The following VCL variants were observed in gnomAD, a reference collection of about 807,000 sequenced individuals.
VCL encodes the protein epididymis luminal protein 114.
Under a neutral mutation model 125.7 loss-of-function variants are expected in VCL, and 47 were observed. The observed-to-expected ratio is 0.37, with a 90% confidence interval of 0.30 to 0.48. The LOEUF is 0.48. Ranked by LOEUF, VCL falls within the 20% of genes least tolerant of loss-of-function variation. The pLI is 0.99. For missense variants in VCL, 1,069 were observed against 1,455.5 expected (o/e 0.73, Z 4.32); for synonymous variants, 458 against 514.6 (o/e 0.89, Z 1.49).
intron 11 of VCL, 73 bp from the exon 12 acceptor site, chr10:74,095,583 A>C: frequency 6.3e-7 from 1 of 1,595,876 alleles, no homozygotes. Flanking sequence ...AAGACGCCAC[A>C]TCGCACCACA....
rs79187921 is a variant in VCL at position 74,108,226 on chromosome 10, T to A, written c.2560-745T>A. 7.8e-3 allele frequency among the ~76,000 whole-genome samples: 1,191 copies of A among 152,268 alleles called. 15 individuals carry two copies. The highest frequency in any genetic ancestry group is 0.028 in the African/African-American group (1,143 of 41,538). Reference sequence around the variant, plus strand: ...GAGAGGGCTATTCCTGGGAATGGCTTCTTATGTGAGCAACAGAGTTATGTC... The same window carrying A: ...GAGAGGGCTATTCCTGGGAATGGCTACTTATGTGAGCAACAGAGTTATGTC... On this transcript the variant is annotated intron_variant, in intron 17 of 21. Transcript: ENST00000211998.
chr10:74,018,245 A>G (rs1049632934), intron 1 of VCL, among the ~76,000 whole-genome samples: 4 of 129,906 alleles, frequency 3.1e-5, no homozygotes, highest in African/African-American at 1.1e-4. Flanking sequence ...ATTTTATAGA[A>G]TGGGGTTTTA....
intron 10 of VCL, among the ~76,000 whole-genome samples, chr10:74,090,961 T>C (rs1431691289): frequency 6.6e-6 from 1 of 151,840 alleles, no homozygotes; most frequent in African/African-American, 2.4e-5. Flanking sequence ...CCACCATGCC[T>C]GGCTAATTTT....
chr10:74,042,845 T>A (rs1158591982), intron 1 of VCL, among the ~76,000 whole-genome samples: 2 of 152,208 alleles, frequency 1.3e-5, no homozygotes, highest in Non-Finnish European at 2.9e-5. Flanking sequence ...TCAAATTAGT[T>A]ATTCTGAAGA....
rs1237807515 is a variant in VCL at position 74,114,306 on chromosome 10, G to A, written c.3072G>A (p.Lys1024=). ...ALIQCAKDIA[K]ASDEVTRLAK... ...TTCAGTGTGCCAAGGACATCGCCAA[G>A]GCCTCAGATGAGGTGACTCGGTTGG... Residue 1024 remains lysine, a synonymous_variant, in exon 20 of 22, where the codon AAG becomes AAA. Transcript: ENST00000211998. 6.2e-7 allele frequency: 1 copy of A among 1,614,108 alleles called. No individual in the cohort carries two copies. The highest frequency in any genetic ancestry group is 8.5e-7 in the Non-Finnish European group (1 of 1,180,020).
At chr10:74,074,938 C>G in intron 6 of VCL, 35 bp downstream of exon 6, 1 of 1,613,974 alleles carries the variant, frequency 6.2e-7, no homozygotes, top group African/African-American at 1.3e-5. Context: ...AGCAAAATCC[C>G]CAACTCTCCC....
chr10:74,090,786 C>CTT (rs905997933), intron 10 of VCL, among the ~76,000 whole-genome samples: 5 of 146,596 alleles, frequency 3.4e-5, no homozygotes, highest in Admixed American at 2.7e-4. Flanking sequence ...GGTATTTCCT[C>CTT]TTTTTTTTTT....
chr10:74,024,210 A>G (rs997825524), intron 1 of VCL, among the ~76,000 whole-genome samples: 1 of 152,200 alleles, frequency 6.6e-6, no homozygotes, highest in South Asian at 2.1e-4. Context: ...TTAATGGGTC[A>G]GAATGTTTAT....
chr10:74,009,218 C>CG (rs1296374377), intron 1 of VCL, among the ~76,000 whole-genome samples: 2 of 68,846 alleles, frequency 2.9e-5, no homozygotes, highest in Non-Finnish European at 2.6e-5. Flanking sequence ...TGCTGCTTTC[C>CG]CCCCCCCCCC....
At chr10:74,056,935 TTATTATTA>T (rs1336217774) in intron 2 of VCL, among the ~76,000 whole-genome samples, 1 of 152,018 alleles carries the variant, frequency 6.6e-6, no homozygotes, top group African/African-American at 2.4e-5. Context: ...ATTTTCTAAA[TTATTATTA>T]TTTAAAATTT....
Position 74,118,096 on chromosome 10 carries a change from C to G in VCL, c.3332C>G (p.Ala1111Gly), listed in dbSNP as rs867976959. ...SVKETVREAE[A>G]ASIKIRTDAG... is the part of the protein sequence containing the mutation. The stretch of plus-strand genomic sequence containing the variant: ...AAGGAGACTGTGCGGGAAGCTGAAG[C>G]TGCTTCAATCAAAATTCGAACAGAT... Residue 1111 changes from alanine to glycine, a missense_variant, in exon 22 of 22, where the codon GCT (alanine) becomes GGT (glycine). Physicochemically the swap from Ala to Gly is moderately conservative, Grantham distance 60. Around this residue, in one of 6 missense-constraint regions of VCL, gnomAD observed 91 missense variants for 203.9 expected, o/e 0.45. Coordinates refer to ENST00000211998, the MANE Select transcript of VCL (RefSeq NM_014000.3). 12 of 1,614,148 alleles carry G rather than the reference C, an allele frequency of 7.4e-6. No individual in the cohort carries two copies. In the Middle Eastern group the frequency reaches 2.0e-3, roughly 266 times the overall value.
Position 74,074,768 on chromosome 10 carries a change from A to G in VCL, c.648A>G (p.Lys216=), listed in dbSNP as rs1839555736. ...ISAMKIFVTT[K]NSKNQGIEEA... ...CTATGAAGATTTTTGTAACAACTAAAAACTCAAAAAACCAAGGCATAGAGG... is the reference window on the plus strand; with the variant it reads ...CTATGAAGATTTTTGTAACAACTAAGAACTCAAAAAACCAAGGCATAGAGG... The change falls in exon 6 of 22, where the codon AAA becomes AAG. Residue 216 remains lysine (K), a synonymous_variant. Transcript: ENST00000211998. The G allele has an allele frequency of 1.3e-5, 21 of 1,613,386 alleles. No individual in the cohort carries two copies. The highest frequency in any genetic ancestry group is 1.8e-5 in the Non-Finnish European group (21 of 1,179,874).
chr10:74,090,025 C>A lies in VCL; in HGVS notation c.1179C>A (p.Asn393Lys). 6.2e-7 allele frequency: 1 copy of A among 1,614,150 alleles called. No homozygotes were observed. Among genetic ancestry groups the A allele is most frequent in the Non-Finnish European group, 8.5e-7 (1 of 1,180,022 alleles). ...TGCTTCTCCGTTTCTATGTGTAGAA[C>A]TGGCTTGCAGATCCAAATGGTGGAC... is the stretch of plus-strand genomic sequence containing the variant. ...SIAKKIDAAQ[N>K]WLADPNGGPE... Residue 393 changes from asparagine (N) to lysine (K), a missense_variant and splice_region_variant, in exon 10 of 22, where the codon AAC becomes AAA. By Grantham distance (94) the Asn-to-Lys change is moderately conservative (BLOSUM62 0). Around this residue, in one of 6 missense-constraint regions of VCL, gnomAD observed 760 missense variants for 928.9 expected, o/e 0.82. Transcript: ENST00000211998.
At chr10:74,010,074 G>A (rs116590535) in intron 1 of VCL, among the ~76,000 whole-genome samples, 3,299 of 151,928 alleles carry the variant, frequency 0.022, 133 homozygotes, top group African/African-American at 0.076. Context: ...ACAAGCATGC[G>A]CCACACACCC....
intron 1 of VCL, among the ~76,000 whole-genome samples, chr10:74,028,902 A>C (rs186075061): frequency 6.6e-6 from 1 of 152,222 alleles, no homozygotes; most frequent in East Asian, 1.9e-4. Flanking sequence ...GGCTGGGCAC[A>C]GTGGCTCATG....
intron 1 of VCL, among the ~76,000 whole-genome samples, chr10:74,012,637 A>C (rs949727220): frequency 6.6e-6 from 1 of 152,204 alleles, no homozygotes; most frequent in Non-Finnish European, 1.5e-5. Context: ...CCAGCAGCAG[A>C]TCGAGACTGG....
intron 21 of VCL, among the ~76,000 whole-genome samples, chr10:74,117,439 G>C (rs1840328456): frequency 6.6e-6 from 1 of 152,200 alleles, no homozygotes; most frequent in African/African-American, 2.4e-5. Flanking sequence ...CAGATCACTT[G>C]AGCCCAGGAG....
intron 10 of VCL, among the ~76,000 whole-genome samples, chr10:74,093,236 G>A (rs143750279): frequency 0.052 from 7,838 of 152,136 alleles, 688 homozygotes; most frequent in African/African-American, 0.18. Context: ...GGCAGAGGTT[G>A]CAGTGAGCCG....
intron 18 of VCL, among the ~76,000 whole-genome samples, chr10:74,111,400 A>G (rs1840216376): frequency 6.6e-6 from 1 of 152,228 alleles, no homozygotes; most frequent in Non-Finnish European, 1.5e-5. Flanking sequence ...GCTGACCCAA[A>G]TTGCCTCCTG....
Sources: gnomAD v4.1 joint callset for allele counts (sites outside exome capture counted in the v4.1 genomes callset) on GRCh38, gnomAD v4.1.1 for gene constraint, gnomAD v4.1.1 regional missense constraint, MANE v1.5 for transcripts, NCBI Gene and HGNC (gene_info 2026-07-23, HGNC 2026-07-21) for gene names.